The following LYPD8 variants were observed in gnomAD, a reference collection of about 807,000 sequenced individuals.
LYPD8 encodes LY6/PLAUR domain containing 8.
A neutral mutation model predicts 1.7 loss-of-function variants in LYPD8; 8 were observed. That is an observed-to-expected ratio of 4.58 (90% CI 2.69 to 8.27). The LOEUF (loss-of-function observed/expected upper bound fraction) is 8.27. LYPD8 is among the 30% of genes most tolerant of loss of function. The pLI is 0.00. For synonymous variants in LYPD8, 50 were observed against 43.6 expected (o/e 1.15, Z -0.58); for missense variants, 112 against 102.3 (o/e 1.09, Z -0.41).
At chr1:248,745,736 G>A (rs1212749364) in intron 5 of LYPD8, among the ~76,000 whole-genome samples, 3 of 152,100 alleles carry the variant, frequency 2.0e-5, no homozygotes, top group Non-Finnish European at 4.4e-5. Flanking sequence ...TTATGACCAT[G>A]GCCAATAAAC....
chr1:248,749,914 T>G (rs1483366374), intron 4 of LYPD8, among the ~76,000 whole-genome samples: 4 of 149,528 alleles, frequency 2.7e-5, no homozygotes, highest in Non-Finnish European at 4.4e-5. Flanking sequence ...TAGCCAAAAA[T>G]ACTGTAGTAA....
chr1:248,753,523 C>A (rs1662868639), intron 2 of LYPD8, among the ~76,000 whole-genome samples: 2 of 121,780 alleles, frequency 1.6e-5, no homozygotes, highest in African/African-American at 6.7e-5. Context: ...ACATCACACA[C>A]CCCACACAAC....
At chr1:248,745,481 A>G (rs1340396491) in intron 5 of LYPD8, among the ~76,000 whole-genome samples, 1 of 152,216 alleles carries the variant, frequency 6.6e-6, no homozygotes, top group Non-Finnish European at 1.5e-5. Flanking sequence ...CTAACAGACT[A>G]TCTAGCCTTT....
At chr1:248,754,386 C>T (rs931638600) in intron 2 of LYPD8, among the ~76,000 whole-genome samples, 14 of 151,506 alleles carry the variant, frequency 9.2e-5, no homozygotes, top group Admixed American at 4.6e-4. Flanking sequence ...TCACATGCCA[C>T]ACATCACCTG....
Position 248,751,104 on chromosome 1 carries a change from A to G in LYPD8, c.-23T>C. 2 of 398,606 alleles carry G rather than the reference A, an allele frequency of 5.0e-6. No individual in the cohort carries two copies. The highest frequency in any genetic ancestry group is 8.8e-6 in the Non-Finnish European group (2 of 226,062). 24.7% of individuals were successfully genotyped at this position (398,606 alleles called of 1,614,324 possible). ...CATGGTGCTGGAGCTGACTTCTCCC[A>G]AGGATGGGGACCACAGGGCCTCAAG... On this transcript the variant is annotated 5_prime_UTR_variant, in exon 3 of 7. Transcript: ENST00000590317.
In LYPD8 at chr1:248,751,062, G is replaced by GC. The variant is rs1662793797; in HGVS notation, c.19dup (p.Ala7GlyfsTer20). ...TGCAACAAGCACTGCAGTGATACCA[G>GC]CAACGAGGATGCCCTTCATGGTGCT... On this transcript the variant is annotated frameshift_variant, in exon 3 of 7. Transcript: ENST00000590317. LOFTEE classifies it high-confidence loss of function. 2.5e-6 allele frequency: 1 copy of GC among 398,526 alleles called. No individual in the cohort carries two copies. Among genetic ancestry groups the GC allele is most frequent in the African/African-American group, 2.1e-5 (1 of 48,636 alleles). The allele number at this position is 398,526 out of a possible 1,614,324, so 24.7% of individuals were successfully genotyped here.
rs1553283104 is a variant in LYPD8 at position 248,739,834 on chromosome 1, CT to C, written c.490del (p.Ser164ValfsTer4). On this transcript the variant is annotated frameshift_variant, in exon 7 of 7. Transcript: ENST00000590317. LOFTEE classifies it low-confidence loss of function (END_TRUNC). This position sits in a 1 kb window ranked among gnomAD's most constrained non-coding sequence, Gnocchi z 4.3. The stretch of plus-strand genomic sequence containing the variant: ...GTTGGAACAGCCTTTCAGCACGAGA[CT>C]CTTAGACTCAATGTCTGTGAATGCA... ...AELKNDIESK[S>X]LVLKGCSNVS... 6.4e-7 allele frequency: 1 copy of C among 1,551,774 alleles called. No individual in the cohort carries two copies. Among genetic ancestry groups the C allele is most frequent in the Non-Finnish European group, 8.7e-7 (1 of 1,147,012 alleles).
chr1:248,748,813 G>A (rs1294901325), intron 4 of LYPD8, among the ~76,000 whole-genome samples: 1 of 152,164 alleles, frequency 6.6e-6, no homozygotes, highest in Non-Finnish European at 1.5e-5. Flanking sequence ...GACATCCACA[G>A]TTCCTGCCTA....
chr1:248,740,071 G>A (rs35436147), intron 6 of LYPD8, among the ~76,000 whole-genome samples: 4,584 of 152,258 alleles, frequency 0.03, 247 homozygotes, highest in African/African-American at 0.1. Context: ...GACTCCCACC[G>A]CCACCTGACC....
At chr1:248,743,559 T>A (rs1553283773) in intron 6 of LYPD8, among the ~76,000 whole-genome samples, 1 of 152,216 alleles carries the variant, frequency 6.6e-6, no homozygotes, top group East Asian at 1.9e-4. Flanking sequence ...TAAACACTGA[T>A]TCATGATGCT....
At position 248,744,810 on chromosome 1, in the gene LYPD8, C is replaced by G. The variant is rs186719522; in HGVS notation, c.475+332G>C. ...ATATAAAAGGAAATAAAAGTTGCACCACCCTCACCTATAGAATGATGCGAC... is the reference window on the plus strand; with the variant it reads ...ATATAAAAGGAAATAAAAGTTGCACGACCCTCACCTATAGAATGATGCGAC... On this transcript the variant is annotated intron_variant, in intron 6 of 6. Coordinates refer to ENST00000590317, the MANE Select transcript of LYPD8 (RefSeq NM_001085474.2). Among the ~76,000 whole-genome samples, 17 of 151,832 alleles carry G rather than the reference C, an allele frequency of 1.1e-4. No individual in the cohort carries two copies. In the East Asian group the frequency reaches 3.3e-3, roughly 29 times the overall value.
intron 5 of LYPD8, among the ~76,000 whole-genome samples, chr1:248,745,959 C>T (rs1295109932): frequency 1.3e-5 from 2 of 152,140 alleles, no homozygotes; most frequent in African/African-American, 4.8e-5. Context: ...CCCAGAGGCT[C>T]CATGATGTGT....
At chr1:248,743,517 C>T (rs1553283770) in intron 6 of LYPD8, among the ~76,000 whole-genome samples, 1 of 152,200 alleles carries the variant, frequency 6.6e-6, no homozygotes, top group Non-Finnish European at 1.5e-5. Flanking sequence ...AAGCATGGTG[C>T]TTGACGCCGC....
chr1:248,744,995 A>G, intron 6 of LYPD8, 147 bp downstream of exon 6: 2 of 387,404 alleles, frequency 5.2e-6, no homozygotes, highest in Non-Finnish European at 9.1e-6. Flanking sequence ...CTACATGAGC[A>G]GCCACTGTAT....
At chr1:248,746,499 G>C (rs1447484060) in intron 5 of LYPD8, among the ~76,000 whole-genome samples, 1 of 152,220 alleles carries the variant, frequency 6.6e-6, no homozygotes, top group African/African-American at 2.4e-5. Flanking sequence ...AAAGGAGAAT[G>C]GTTGAAAAAG....
At position 248,739,622 on chromosome 1, in the gene LYPD8, G is replaced by T; in HGVS notation, c.703C>A (p.Leu235Met). 1 of 1,551,578 alleles carries T rather than the reference G, an allele frequency of 6.4e-7. No homozygotes were observed. The highest frequency in any genetic ancestry group is 8.7e-7 in the Non-Finnish European group (1 of 1,146,996). Residue 235 changes from leucine (L) to methionine (M), a missense_variant, in exon 7 of 7, where the codon CTG becomes ATG. Coordinates refer to ENST00000590317, the MANE Select transcript of LYPD8 (RefSeq NM_001085474.2). This position sits in a 1 kb window ranked among gnomAD's most constrained non-coding sequence, Gnocchi z 4.3. Reference sequence around the variant, plus strand: ...GCAGCCCCAGGACCTCAGGGCAGCAGTCCCCGAAGAAGGAGGCTGGCAAGG... The same window carrying T: ...GCAGCCCCAGGACCTCAGGGCAGCATTCCCCGAAGAAGGAGGCTGGCAAGG... ...LALASLLLRG[L>M]LP
Position 248,753,580 on chromosome 1 carries a change from A to T in LYPD8, c.-50+1659T>A, listed in dbSNP as rs1460672511. 4.5e-3 allele frequency among the ~76,000 whole-genome samples: 566 copies of T among 125,404 alleles called. 26 individuals carry two copies. The highest frequency in any genetic ancestry group is 0.018 in the African/African-American group (541 of 30,904). 82.3% of individuals were successfully genotyped at this position (125,404 alleles called of 152,430 possible). On this transcript the variant is annotated intron_variant, in intron 2 of 6. Coordinates refer to ENST00000590317, the MANE Select transcript of LYPD8 (RefSeq NM_001085474.2). ...ATCACACACACAACACACACCCCAC[A>T]CAACACACACAACACAACACACACA...
chr1:248,748,965 C>T (rs1463016009), intron 4 of LYPD8, among the ~76,000 whole-genome samples: 3 of 152,124 alleles, frequency 2.0e-5, no homozygotes, highest in African/African-American at 7.2e-5. Flanking sequence ...CCATAGTAGC[C>T]ATATATCAAG....
chr1:248,752,495 C>A (rs1054990570), intron 2 of LYPD8, among the ~76,000 whole-genome samples: 2 of 149,698 alleles, frequency 1.3e-5, no homozygotes, highest in Non-Finnish European at 3.0e-5. Flanking sequence ...TGCACATCAC[C>A]CCCCACACAC....
Sources: gnomAD v4.1 joint callset for allele counts (sites outside exome capture counted in the v4.1 genomes callset) on GRCh38, gnomAD v4.1.1 for gene constraint, Gnocchi (gnomAD v3.1) non-coding constraint, MANE v1.5 for transcripts, NCBI Gene and HGNC (gene_info 2026-07-23, HGNC 2026-07-21) for gene names.